Variants in SLC26A5 observed in about 807,000 individuals in gnomAD.
The protein encoded by SLC26A5 is prestin.
SLC26A5 carries 51 observed loss-of-function variants against 81.0 expected under a neutral mutation model. The ratio of observed to expected loss-of-function variants is 0.63; its 90% confidence interval spans 0.50 to 0.80. The LOEUF (loss-of-function observed/expected upper bound fraction) is 0.80, where lower values mean the gene tolerates loss of function less well. SLC26A5 is among the 30% of genes least tolerant of loss of function. The pLI, the probability that SLC26A5 is intolerant of heterozygous loss-of-function variation, is 0.00. For missense variants in SLC26A5, 771 were observed against 905.8 expected, an observed-to-expected ratio of 0.85 and a Z score of 1.91; for synonymous variants, 325 against 332.8, an observed-to-expected ratio of 0.98 and a Z score of 0.25.
chr7:103,362,503 C>T (rs745542545), intron 19 of SLC26A5: 116 of 1,406,558 alleles, frequency 8.2e-5, no homozygotes, highest in African/African-American at 2.3e-4. Context: ...AGGTTGTTTG[C>T]GACATTAGAC....
chr7:103,416,603 G>C (rs1824930587), intron 4 of SLC26A5, among the ~76,000 whole-genome samples: 1 of 152,138 alleles, frequency 6.6e-6, no homozygotes, highest in Non-Finnish European at 1.5e-5. Context: ...CTGACTTCCA[G>C]CTTTCACAAT....
chr7:103,420,639 A>T, intron 4 of SLC26A5, 99 bp downstream of exon 4: 1 of 1,452,038 alleles, frequency 6.9e-7, no homozygotes, highest in South Asian at 1.2e-5. Flanking sequence ...CTAGAAAGAT[A>T]TGATAAAAAT....
At chr7:103,358,886 A>G (rs1013544818) in intron 19 of SLC26A5, among the ~76,000 whole-genome samples, 1 of 152,126 alleles carries the variant, frequency 6.6e-6, no homozygotes, top group African/African-American at 2.4e-5. Flanking sequence ...CCTTAAAGAA[A>G]GCAAAGATTA....
intron 8 of SLC26A5, among the ~76,000 whole-genome samples, chr7:103,400,671 GT>G (rs1326346204): frequency 6.6e-6 from 1 of 152,158 alleles, no homozygotes; most frequent in Non-Finnish European, 1.5e-5. Flanking sequence ...TACTGCCTAG[GT>G]TTTCTTCCAG....
At chr7:103,440,870 A>C (rs1347305901) in intron 2 of SLC26A5, among the ~76,000 whole-genome samples, 1 of 152,218 alleles carries the variant, frequency 6.6e-6, no homozygotes, top group Non-Finnish European at 1.5e-5. Flanking sequence ...CTTCAACCTA[A>C]GCTGTGATTT....
At chr7:103,397,175 G>A (rs2116530615) in intron 9 of SLC26A5, among the ~76,000 whole-genome samples, 1 of 151,676 alleles carries the variant, frequency 6.6e-6, no homozygotes, top group Non-Finnish European at 1.5e-5. Context: ...GGGAAGCTGA[G>A]GCGGGCGGAT....
chr7:103,359,930 T>C (rs113924956), intron 19 of SLC26A5, among the ~76,000 whole-genome samples: 2,325 of 151,814 alleles, frequency 0.015, 50 homozygotes, highest in African/African-American at 0.054. Context: ...AATATAAAAA[T>C]ATTAGCTGGG....
chr7:103,356,085 C>T (rs1820016370), intron 19 of SLC26A5, among the ~76,000 whole-genome samples: 1 of 152,060 alleles, frequency 6.6e-6, no homozygotes, highest in Non-Finnish European at 1.5e-5. Flanking sequence ...AACGTAACTA[C>T]TGAAATAGTT....
intron 19 of SLC26A5, chr7:103,355,926 A>G: frequency 1.7e-6 from 1 of 591,198 alleles, no homozygotes; most frequent in African/African-American, 1.8e-5. Context: ...GCTTTCTACA[A>G]AACTGGGGTT....
intron 2 of SLC26A5, among the ~76,000 whole-genome samples, chr7:103,441,109 CT>C (rs1826843546): frequency 6.6e-6 from 1 of 152,182 alleles, no homozygotes; most frequent in Non-Finnish European, 1.5e-5. Flanking sequence ...AGAGATAAGA[CT>C]AATCGAGAAA....
At chr7:103,406,453 C>A (rs563695475) in intron 8 of SLC26A5, among the ~76,000 whole-genome samples, 2 of 152,112 alleles carry the variant, frequency 1.3e-5, no homozygotes, top group African/African-American at 2.4e-5. Context: ...TGACCCCTTG[C>A]GCTTCCTGGG....
chr7:103,355,237 AC>A (rs1364144527), intron 19 of SLC26A5, among the ~76,000 whole-genome samples: 1 of 152,220 alleles, frequency 6.6e-6, no homozygotes, highest in Admixed American at 6.5e-5. Flanking sequence ...AAGTCAAAAA[AC>A]TTTTTTGGAT....
intron 2 of SLC26A5, among the ~76,000 whole-genome samples, chr7:103,425,098 G>GT (rs1162284658): frequency 6.6e-6 from 1 of 152,088 alleles, no homozygotes; most frequent in Non-Finnish European, 1.5e-5. Context: ...GGAATTCCTC[G>GT]TGACACCCGT....
intron 14 of SLC26A5, among the ~76,000 whole-genome samples, chr7:103,383,385 G>A (rs1050412005): frequency 1.3e-5 from 2 of 152,036 alleles, no homozygotes; most frequent in Admixed American, 6.6e-5. Flanking sequence ...GGGTGAGCTG[G>A]GCCTCAAAGG....
At chr7:103,385,222 C>T (rs990253362) in intron 14 of SLC26A5, among the ~76,000 whole-genome samples, 35 of 151,960 alleles carry the variant, frequency 2.3e-4, no homozygotes, top group African/African-American at 5.8e-4. Flanking sequence ...AGTGCAGTGG[C>T]GTGATCTCGG....
At chr7:103,424,771 G>A (rs967374996) in intron 2 of SLC26A5, among the ~76,000 whole-genome samples, 1 of 152,132 alleles carries the variant, frequency 6.6e-6, no homozygotes, top group Non-Finnish European at 1.5e-5. Flanking sequence ...CAAGTCTAGG[G>A]ATGTTTTATC....
chr7:103,397,716 C>CAAAAA (rs72106385), intron 9 of SLC26A5, among the ~76,000 whole-genome samples: 1 of 118,572 alleles, frequency 8.4e-6, no homozygotes, highest in African/African-American at 3.4e-5. Flanking sequence ...GACTTCGTCT[C>CAAAAA]AAAAAAAAAA....
intron 8 of SLC26A5, among the ~76,000 whole-genome samples, chr7:103,402,168 C>A (rs892683241): frequency 1.3e-5 from 2 of 151,998 alleles, no homozygotes; most frequent in African/African-American, 2.4e-5. Context: ...TGGTAGAATT[C>A]GGCTGTGAAT....
chr7:103,372,848 A>G (rs1821111426), downstream of SLC26A5, among the ~76,000 whole-genome samples: 1 of 150,066 alleles, frequency 6.7e-6, no homozygotes, highest in African/African-American at 2.5e-5. Flanking sequence ...AAAAATTCAC[A>G]AGACCACCAT....
Sources: gnomAD v4.1 joint callset for allele counts (sites outside exome capture counted in the v4.1 genomes callset) on GRCh38, gnomAD v4.1.1 for gene constraint, MANE v1.5 for transcripts, NCBI Gene and HGNC (gene_info 2026-07-23, HGNC 2026-07-21) for gene names.